The following TRPM3 variants were observed in gnomAD, a reference collection of about 807,000 sequenced individuals.
TRPM3 encodes long transient receptor potential channel 3.
Under a neutral mutation model 181.2 loss-of-function variants are expected in TRPM3, and 77 were observed. The observed-to-expected ratio is 0.42, with a 90% CI of 0.35 to 0.51. The LOEUF is 0.51. Ranked by LOEUF, TRPM3 falls within the 20% of genes least tolerant of loss-of-function variation. TRPM3 has a pLI of 0.01. For synonymous variants in TRPM3, 745 were observed against 796.4 expected (o/e 0.94, Z 1.09); for missense variants, 1,759 against 2,196.7 (o/e 0.80, Z 3.98).
intron 12 of TRPM3, among the ~76,000 whole-genome samples, chr9:70,626,071 A>AAG (rs976905255): frequency 6.6e-6 from 1 of 152,086 alleles, no homozygotes; most frequent in African/African-American, 2.4e-5. Context: ...TTTTCTTTTA[A>AAG]AGAGAGTAAC....
chr9:70,691,760 G>A (rs1010095792), intron 8 of TRPM3, among the ~76,000 whole-genome samples: 10 of 152,068 alleles, frequency 6.6e-5, no homozygotes, highest in African/African-American at 2.2e-4. Flanking sequence ...AAAAATTATA[G>A]AAAGTTTAGA....
intron 1 of TRPM3, among the ~76,000 whole-genome samples, chr9:71,097,197 T>A (rs1004187587): frequency 6.6e-6 from 1 of 152,198 alleles, no homozygotes; most frequent in East Asian, 1.9e-4. Flanking sequence ...TCAGAAAATA[T>A]ATAAAACAAT....
At chr9:70,641,969 G>A (rs1228991952) in intron 9 of TRPM3, among the ~76,000 whole-genome samples, 1 of 152,202 alleles carries the variant, frequency 6.6e-6, no homozygotes, top group East Asian at 1.9e-4. Context: ...AGACTGAAAT[G>A]AGATTGTATA....
intron 19 of TRPM3, among the ~76,000 whole-genome samples, chr9:70,610,333 C>CTGTT (rs751963245): frequency 7.2e-5 from 11 of 152,174 alleles, no homozygotes; most frequent in Non-Finnish European, 1.2e-4. Context: ...ATCTACTTTC[C>CTGTT]TGTTAGGCAA....
At chr9:70,828,086 A>T in intron 5 of TRPM3, 68 bp from the exon 6 acceptor site, 1 of 1,460,602 alleles carries the variant, frequency 6.8e-7, no homozygotes, top group Non-Finnish European at 9.4e-7. Context: ...AAGGAGAATC[A>T]GACAGAGGAA....
At chr9:71,363,114 C>T (rs1379370975) in intron 1 of TRPM3, among the ~76,000 whole-genome samples, 2 of 152,214 alleles carry the variant, frequency 1.3e-5, no homozygotes, top group East Asian at 1.9e-4. Context: ...ATACAATTTT[C>T]ATATGGCAAA....
At chr9:71,399,814 A>G (rs1241558451) in intron 1 of TRPM3, among the ~76,000 whole-genome samples, 3 of 152,160 alleles carry the variant, frequency 2.0e-5, no homozygotes, top group Non-Finnish European at 4.4e-5. Flanking sequence ...TACAGGCGTG[A>G]GCCACTGCGC....
At position 70,673,854 on chromosome 9, in the gene TRPM3, C is replaced by T. The variant is rs567389060; in HGVS notation, c.1345+7652G>A. Reference sequence around the variant, plus strand: ...ATTCCAGCTACTCGGGAGGCTGAGGCAAGAGAATCACTTGAACCTGGGAGA... The same window carrying T: ...ATTCCAGCTACTCGGGAGGCTGAGGTAAGAGAATCACTTGAACCTGGGAGA... On this transcript the variant is annotated intron_variant, in intron 9 of 25. Transcript: ENST00000677713. Among the ~76,000 whole-genome samples, 3 of 145,160 alleles carry T rather than the reference C, an allele frequency of 2.1e-5. No individual in the cohort carries two copies. The East Asian group carries it at 6.2e-4, about 30-fold the overall frequency.
In TRPM3 at chr9:71,420,709, A is replaced by AAGAG. The variant is rs2093722760; in HGVS notation, c.183+25943_183+25944insCTCT. Among the ~76,000 whole-genome samples, 15 of 15,526 alleles carry AAGAG rather than the reference A, an allele frequency of 9.7e-4. 1 individual carries two copies. The East Asian group carries it at 0.028, about 28-fold the overall frequency. The allele number at this position is 15,526 out of a possible 152,430, so 10.2% of individuals were successfully genotyped here. Reference sequence around the variant, plus strand: ...AGAAAGGGAAAGAGAAAGAGAGAGAAAGAAAGAGAGAAAGAGAGAGAGAGA... The same window carrying AAGAG: ...AGAAAGGGAAAGAGAAAGAGAGAGAAAGAGAGAAAGAGAGAAAGAGAGAGAGAGA... On this transcript the variant is annotated intron_variant, in intron 1 of 24. Transcript: ENST00000357533.
At position 70,845,829 on chromosome 9, in the gene TRPM3, A is replaced by G. The variant is rs143839065; in HGVS notation, c.676+549T>C. Among the ~76,000 whole-genome samples the G allele has an allele frequency of 4.9e-4, 74 of 152,334 alleles. 2 individuals are homozygous for G. The East Asian group carries it at 0.013, about 27-fold the overall frequency. On this transcript the variant is annotated intron_variant, in intron 4 of 25. Transcript: ENST00000677713. ...AGAACTGATTTGAGAATGCGTCTAT[A>G]TCACAATATAGATGGCAGGAAGCAA...
chr9:70,958,422 C>T (rs1181104890), intron 1 of TRPM3, among the ~76,000 whole-genome samples: 1 of 152,154 alleles, frequency 6.6e-6, no homozygotes, highest in Non-Finnish European at 1.5e-5. Flanking sequence ...TCCTATTTCT[C>T]CACATCCTCT....
chr9:71,442,389 A>G (rs948398549), intron 1 of TRPM3, among the ~76,000 whole-genome samples: 1 of 152,198 alleles, frequency 6.6e-6, no homozygotes, highest in African/African-American at 2.4e-5. Flanking sequence ...CTATTTGAAA[A>G]CAAGCTTTTA....
chr9:71,044,432 CT>C (rs1373442451), intron 1 of TRPM3, among the ~76,000 whole-genome samples: 1 of 152,208 alleles, frequency 6.6e-6, no homozygotes, highest in Non-Finnish European at 1.5e-5. Flanking sequence ...TGTTTATATT[CT>C]TTGCTTTTCC....
intron 1 of TRPM3, among the ~76,000 whole-genome samples, chr9:71,191,925 T>C (rs1273008882): frequency 6.6e-6 from 1 of 151,688 alleles, no homozygotes; most frequent in Non-Finnish European, 1.5e-5. Context: ...GGAGAGTGAA[T>C]GGGGAGGTAA....
At position 70,567,981 on chromosome 9, in the gene TRPM3, G is replaced by A. The variant is rs552598801; in HGVS notation, c.3224-14671C>T. 2.6e-5 allele frequency among the ~76,000 whole-genome samples: 4 copies of A among 152,272 alleles called. No homozygotes were observed. In the East Asian group the frequency reaches 7.7e-4, roughly 29 times the overall value. ...AGAGATGAGAGAGAAAAAAAGACAG[G>A]AGAGTGGAGAGCTAAAAGAAAGCAA... On this transcript the variant is annotated intron_variant, in intron 22 of 25. Transcript: ENST00000677713.
chr9:70,787,763 C>CTTTTTTTTTTTTTTTTTTTTGATT (rs2084054300), intron 6 of TRPM3, among the ~76,000 whole-genome samples: 1 of 68,560 alleles, frequency 1.5e-5, no homozygotes, highest in Non-Finnish European at 2.6e-5. Flanking sequence ...TTTTTGGATT[C>CTTTTTTTTTTTTTTTTTTTTGATT]TTTTTTTTTT....
intron 3 of TRPM3, among the ~76,000 whole-genome samples, chr9:70,859,636 A>T (rs10868920): frequency 0.35 from 53,817 of 151,994 alleles, 9,901 homozygotes; most frequent in African/African-American, 0.39. Context: ...TTTAATACTA[A>T]GAAGGATACA....
intron 1 of TRPM3, among the ~76,000 whole-genome samples, chr9:71,301,049 G>A (rs2086725071): frequency 1.3e-5 from 2 of 152,104 alleles, no homozygotes; most frequent in African/African-American, 2.4e-5. Context: ...AAATGAATAT[G>A]TATAGGGTAC....
At chr9:70,890,377 G>C (rs2096179314) in intron 1 of TRPM3, among the ~76,000 whole-genome samples, 1 of 151,918 alleles carries the variant, frequency 6.6e-6, no homozygotes, top group Non-Finnish European at 1.5e-5. Context: ...TCCAGCAAAA[G>C]AGAACAGAGA....
Sources: allele counts gnomAD v4.1 joint callset (sites outside exome capture counted in the v4.1 genomes callset), GRCh38; gene constraint gnomAD v4.1.1; transcripts MANE v1.5; gene names NCBI Gene and HGNC (gene_info 2026-07-23, HGNC 2026-07-21).